CPA6: variants seen among roughly 807,000 people sequenced by gnomAD.
The protein encoded by CPA6 is carboxypeptidase A6.
CPA6 carries 58 observed loss-of-function variants against 63.3 expected under a neutral mutation model. The observed-to-expected ratio is 0.92, with a 90% CI of 0.74 to 1.14. The LOEUF is 1.14. Ranked by LOEUF, CPA6 falls within the 50% of genes most tolerant of loss-of-function variation. The probability of loss-of-function intolerance (pLI) is 0.00; values close to 1 mark genes in which losing one functional copy is unlikely to be tolerated. For synonymous variants in CPA6, 185 were observed against 179.0 expected (o/e 1.03, Z -0.27); for missense variants, 565 against 526.6 (o/e 1.07, Z -0.71).
At chr8:67,588,950 C>G (rs187384032) in intron 2 of CPA6, among the ~76,000 whole-genome samples, 16 of 152,064 alleles carry the variant, frequency 1.1e-4, no homozygotes, top group Non-Finnish European at 2.2e-4. Flanking sequence ...AACCCTGTTT[C>G]TATTAAAAAT....
At chr8:67,505,982 C>G (rs892745561) in intron 6 of CPA6, among the ~76,000 whole-genome samples, 2 of 152,020 alleles carry the variant, frequency 1.3e-5, no homozygotes, top group Non-Finnish European at 2.9e-5. Flanking sequence ...TCGACTTTCA[C>G]TTTCATTATC....
chr8:67,608,809 C>T (rs762177989), intron 2 of CPA6, among the ~76,000 whole-genome samples: 1 of 152,178 alleles, frequency 6.6e-6, no homozygotes, highest in African/African-American at 2.4e-5. Flanking sequence ...TGAGCCACCC[C>T]CTTTGTGAGG....
intron 7 of CPA6, among the ~76,000 whole-genome samples, chr8:67,484,301 T>G (rs1811427308): frequency 6.6e-6 from 1 of 151,766 alleles, no homozygotes. Context: ...CTCGATCTCC[T>G]GACCTTGTAA....
chr8:67,472,558 T>A (rs2128959328), intron 8 of CPA6, among the ~76,000 whole-genome samples: 1 of 152,126 alleles, frequency 6.6e-6, no homozygotes, highest in South Asian at 2.1e-4. Context: ...TCCGAGTAGC[T>A]GGGACTACAG....
chr8:67,643,907 T>C (rs1181657364), intron 1 of CPA6, among the ~76,000 whole-genome samples: 1 of 152,058 alleles, frequency 6.6e-6, no homozygotes, highest in African/African-American at 2.4e-5. Flanking sequence ...ATAGATCACA[T>C]AGAAAAAAAT....
intron 8 of CPA6, 53 bp downstream of exon 8, chr8:67,483,715 A>G (rs759134277): frequency 6.9e-7 from 1 of 1,444,908 alleles, no homozygotes; most frequent in Non-Finnish European, 9.8e-7. Context: ...TATTTTGCAG[A>G]GTAAAACCTG....
At chr8:67,663,803 T>G (rs1225392370) in intron 1 of CPA6, among the ~76,000 whole-genome samples, 1 of 152,182 alleles carries the variant, frequency 6.6e-6, no homozygotes, top group Non-Finnish European at 1.5e-5. Context: ...TTCCACATCT[T>G]TGCTATTGTG....
intron 8 of CPA6, among the ~76,000 whole-genome samples, chr8:67,479,024 G>T (rs1401619341): frequency 6.6e-6 from 1 of 151,986 alleles, no homozygotes; most frequent in Non-Finnish European, 1.5e-5. Flanking sequence ...CTGTCTAAAA[G>T]AAAAGAAAAG....
At chr8:67,561,645 A>G (rs1813215443) in intron 2 of CPA6, among the ~76,000 whole-genome samples, 1 of 152,174 alleles carries the variant, frequency 6.6e-6, no homozygotes, top group Non-Finnish European at 1.5e-5. Context: ...TGCTTTTACT[A>G]TAAAGGCCAT....
chr8:67,512,826 A>T (rs951549842), intron 3 of CPA6, among the ~76,000 whole-genome samples: 1 of 152,232 alleles, frequency 6.6e-6, no homozygotes, highest in Non-Finnish European at 1.5e-5. Flanking sequence ...TTCAAGGCTG[A>T]AAGTTATTTA....
intron 1 of CPA6, among the ~76,000 whole-genome samples, chr8:67,662,613 T>C (rs1816143056): frequency 6.7e-6 from 1 of 150,094 alleles, no homozygotes; most frequent in Admixed American, 6.7e-5. Flanking sequence ...TACACACGTA[T>C]ATGTATATAT....
In CPA6 at chr8:67,729,844, TTAA is replaced by T. The variant is rs1341260824; in HGVS notation, c.116+16167_116+16169del. Among the ~76,000 whole-genome samples the T allele has an allele frequency of 2.3e-4, 35 of 152,360 alleles. No homozygotes were observed. In the East Asian group the frequency reaches 3.1e-3, roughly 13 times the overall value. ...CCCAAGCAAAACAGCTGTGTTGTTCTTAATGGCGACAGCAGGTAAAGAAAGTTA... is the reference window on the plus strand; with the variant it reads ...CCCAAGCAAAACAGCTGTGTTGTTCTTGGCGACAGCAGGTAAAGAAAGTTA... On this transcript the variant is annotated intron_variant, in intron 1 of 10. Transcript: ENST00000297770.
chr8:67,508,370 G>A (rs938330368), intron 5 of CPA6, among the ~76,000 whole-genome samples: 1 of 152,080 alleles, frequency 6.6e-6, no homozygotes, highest in African/African-American at 2.4e-5. Flanking sequence ...CTGAATCTGA[G>A]GTGCTTTTCT....
Position 67,615,643 on chromosome 8 carries a change from T to TCA in CPA6, c.192+8531_192+8532dup, listed in dbSNP as rs535786766. Among the ~76,000 whole-genome samples the TCA allele has an allele frequency of 1.3e-4, 20 of 152,152 alleles. No homozygotes were observed. The South Asian group carries it at 4.2e-3, about 32-fold the overall frequency. The stretch of plus-strand genomic sequence containing the variant: ...AAGCCTTTCAGTACCAGCTGAAGAG[T>TCA]CACTAGTCCTTGCTCTTCCATCAGT... On this transcript the variant is annotated intron_variant, in intron 2 of 10. Coordinates refer to ENST00000297770, the MANE Select transcript of CPA6 (RefSeq NM_020361.5).
At chr8:67,503,606 C>A (rs984485405) in intron 6 of CPA6, among the ~76,000 whole-genome samples, 1 of 151,830 alleles carries the variant, frequency 6.6e-6, no homozygotes, top group African/African-American at 2.4e-5. Flanking sequence ...CCATGCCCAG[C>A]TTGATTTTCT....
intron 6 of CPA6, among the ~76,000 whole-genome samples, chr8:67,504,238 G>A (rs1024711868): frequency 1.3e-5 from 2 of 152,122 alleles, no homozygotes; most frequent in African/African-American, 4.8e-5. Context: ...TTTTCTTCCA[G>A]TTCACATTTG....
intron 1 of CPA6, among the ~76,000 whole-genome samples, chr8:67,687,017 C>T (rs996274661): frequency 2.0e-5 from 3 of 152,198 alleles, no homozygotes; most frequent in Admixed American, 1.3e-4. Flanking sequence ...GAGAATCTCC[C>T]GGCCTTCTCA....
intron 2 of CPA6, among the ~76,000 whole-genome samples, chr8:67,614,965 G>T (rs565619985): frequency 6.6e-5 from 10 of 152,106 alleles, no homozygotes; most frequent in Non-Finnish European, 1.2e-4. Flanking sequence ...TTCCCTATTC[G>T]CCCTGTGCAA....
chr8:67,512,674 A>T (rs958850033), intron 3 of CPA6, among the ~76,000 whole-genome samples: 4 of 152,170 alleles, frequency 2.6e-5, no homozygotes, highest in Admixed American at 1.3e-4. Flanking sequence ...TTACTTAAAG[A>T]TGTTAGAAAG....
Sources: allele counts gnomAD v4.1 joint callset (sites outside exome capture counted in the v4.1 genomes callset), GRCh38; gene constraint gnomAD v4.1.1; transcripts MANE v1.5; gene names NCBI Gene and HGNC (gene_info 2026-07-23, HGNC 2026-07-21).